NALF1: variants seen among roughly 807,000 people sequenced by gnomAD.
The protein encoded by NALF1 is NALCN channel auxiliary factor 1, also known as family with sequence similarity 155 member A.
Under a neutral mutation model 48.4 loss-of-function variants are expected in NALF1, and 3 were observed. That is an observed-to-expected ratio of 0.06 (90% CI 0.03 to 0.16). NALF1 has a LOEUF of 0.16. Among genes scored for constraint, NALF1 ranks in the 10% least tolerant of loss-of-function variants. NALF1 has a pLI of 1.00. For synonymous variants in NALF1, 262 were observed against 245.7 expected, an observed-to-expected ratio of 1.07 and a Z score of -0.62; for missense variants, 526 against 571.5, an observed-to-expected ratio of 0.92 and a Z score of 0.81.
intron 1 of NALF1, among the ~76,000 whole-genome samples, chr13:107,274,840 A>G (rs1881248176): frequency 6.6e-6 from 1 of 152,162 alleles, no homozygotes; most frequent in Non-Finnish European, 1.5e-5. Flanking sequence ...TGGTCATGGA[A>G]CAGGCAGAAT....
chr13:107,367,765 T>G (rs1249175620), intron 1 of NALF1, among the ~76,000 whole-genome samples: 1 of 152,214 alleles, frequency 6.6e-6, no homozygotes, highest in Non-Finnish European at 1.5e-5. Flanking sequence ...AAGATCATTA[T>G]CCGTTGACCA....
chr13:107,721,594 G>A (rs2138527891), intron 1 of NALF1, among the ~76,000 whole-genome samples: 1 of 152,300 alleles, frequency 6.6e-6, no homozygotes, highest in Non-Finnish European at 1.5e-5. Context: ...ATTGCAGGCA[G>A]GCTCATCAAT....
intron 2 of NALF1, among the ~76,000 whole-genome samples, chr13:107,196,353 A>G (rs1447337691): frequency 2.0e-5 from 3 of 152,256 alleles, no homozygotes; most frequent in African/African-American, 7.2e-5. Context: ...GAATCAAGCT[A>G]GTAATGAGAA....
intron 1 of NALF1, among the ~76,000 whole-genome samples, chr13:107,247,577 A>G (rs949273951): frequency 1.3e-5 from 2 of 152,242 alleles, no homozygotes; most frequent in South Asian, 4.1e-4. Context: ...GAAAAATATT[A>G]TACGCTGAGG....
chr13:107,677,538 CA>C (rs1421636687), intron 1 of NALF1, among the ~76,000 whole-genome samples: 2 of 151,424 alleles, frequency 1.3e-5, no homozygotes, highest in African/African-American at 2.4e-5. Flanking sequence ...ACCTAAAAAT[CA>C]AAACTAAATT....
chr13:107,577,028 C>T (rs1200905114), intron 1 of NALF1, among the ~76,000 whole-genome samples: 2 of 152,122 alleles, frequency 1.3e-5, no homozygotes, highest in Non-Finnish European at 2.9e-5. Context: ...TATTCTCTGA[C>T]CTAAGTAACA....
At chr13:107,647,312 A>G (rs1486526263) in intron 1 of NALF1, among the ~76,000 whole-genome samples, 1 of 152,028 alleles carries the variant, frequency 6.6e-6, no homozygotes, top group Admixed American at 6.6e-5. Flanking sequence ...GTAAAGAGTT[A>G]GTTTTCAAAA....
chr13:107,323,302 C>T (rs756138113), intron 1 of NALF1, among the ~76,000 whole-genome samples: 2 of 152,166 alleles, frequency 1.3e-5, no homozygotes, highest in Non-Finnish European at 2.9e-5. Flanking sequence ...AACAGCTCCA[C>T]TCAGATTTGA....
At chr13:107,325,851 CACACATATATATATATATAT>C (rs1330049577) in intron 1 of NALF1, among the ~76,000 whole-genome samples, 1 of 51,984 alleles carries the variant, frequency 1.9e-5, no homozygotes, top group Non-Finnish European at 3.5e-5. Context: ...AACACACACA[CACACATATATATATATATAT>C]ATATATATAT....
At chr13:107,231,010 A>C (rs1431088885) in intron 1 of NALF1, among the ~76,000 whole-genome samples, 1 of 138,554 alleles carries the variant, frequency 7.2e-6, no homozygotes, top group Non-Finnish European at 1.5e-5. Context: ...CAGTGAGCCC[A>C]TGGTTGTGTC....
intron 1 of NALF1, among the ~76,000 whole-genome samples, chr13:107,643,166 T>C (rs1001012461): frequency 4.6e-5 from 7 of 152,188 alleles, no homozygotes; most frequent in Admixed American, 3.9e-4. Context: ...GGTCTTCACT[T>C]AATTCCCAAG....
intron 2 of NALF1, among the ~76,000 whole-genome samples, chr13:107,204,956 G>A (rs1284014899): frequency 1.3e-5 from 2 of 150,954 alleles, no homozygotes; most frequent in Admixed American, 6.6e-5. Flanking sequence ...AATCTATAGA[G>A]GTATTTTTTT....
chr13:107,759,064 T>C (rs568868068), intron 1 of NALF1, among the ~76,000 whole-genome samples: 68 of 152,244 alleles, frequency 4.5e-4, no homozygotes, highest in African/African-American at 1.6e-3. Flanking sequence ...GATTTTGTAA[T>C]AGACTTCTGT....
chr13:107,213,245 A>AG (rs1440730701), intron 1 of NALF1, among the ~76,000 whole-genome samples: 1 of 150,692 alleles, frequency 6.6e-6, no homozygotes, highest in Non-Finnish European at 1.5e-5. Context: ...AAAAAAAAAA[A>AG]AAAAAGAAAA....
intron 1 of NALF1, among the ~76,000 whole-genome samples, chr13:107,340,089 G>T (rs971163740): frequency 2.6e-5 from 4 of 151,892 alleles, no homozygotes; most frequent in East Asian, 1.9e-4. Context: ...AAAGATGTAG[G>T]ATTTATCTGT....
chr13:107,605,635 G>C (rs1879045271), intron 1 of NALF1, among the ~76,000 whole-genome samples: 1 of 151,976 alleles, frequency 6.6e-6, no homozygotes, highest in Non-Finnish European at 1.5e-5. Flanking sequence ...GATCCTTCTT[G>C]GAAATTTCCA....
chr13:107,523,391 C>T (rs993104124), intron 1 of NALF1, among the ~76,000 whole-genome samples: 55 of 152,042 alleles, frequency 3.6e-4, no homozygotes, highest in African/African-American at 1.3e-3. Flanking sequence ...TATTATTATA[C>T]TTTAAGTTTT....
intron 1 of NALF1, among the ~76,000 whole-genome samples, chr13:107,847,698 G>A (rs930991001): frequency 1.3e-5 from 2 of 152,134 alleles, no homozygotes; most frequent in African/African-American, 4.8e-5. Context: ...CAACAACCAC[G>A]TGAGCTTGGA....
At chr13:107,680,873 GGT>G (rs34317926) in intron 1 of NALF1, among the ~76,000 whole-genome samples, 14 of 147,936 alleles carry the variant, frequency 9.5e-5, no homozygotes, top group Middle Eastern at 3.5e-3. Context: ...CAAATGTAAG[GGT>G]GTGTGTGTGT....
Sources: allele counts gnomAD v4.1 joint callset (sites outside exome capture counted in the v4.1 genomes callset), GRCh38; gene constraint gnomAD v4.1.1; transcripts MANE v1.5; gene names NCBI Gene and HGNC (gene_info 2026-07-23, HGNC 2026-07-21).